CDC42BPB: variants seen among roughly 807,000 people sequenced by gnomAD.
CDC42BPB encodes the protein serine/threonine-protein kinase MRCK beta.
CDC42BPB carries 37 observed loss-of-function variants against 214.9 expected under a neutral mutation model. The ratio of observed to expected loss-of-function variants is 0.17; its 90% CI spans 0.13 to 0.23. The LOEUF (loss-of-function observed/expected upper bound fraction) is 0.23. Ranked by LOEUF, CDC42BPB falls within the 10% of genes least tolerant of loss-of-function variation. CDC42BPB has a pLI of 1.00. For missense variants in CDC42BPB, 1,694 were observed against 2,227.0 expected (o/e 0.76, Z 4.82); for synonymous variants, 931 against 884.0 (o/e 1.05, Z -0.94).
At chr14:103,055,660 G>A (rs1292351505) in intron 1 of CDC42BPB, among the ~76,000 whole-genome samples, 3 of 152,222 alleles carry the variant, frequency 2.0e-5, no homozygotes, top group South Asian at 2.1e-4. Flanking sequence ...TTCTACTGCT[G>A]CTCTCACAAG....
At position 102,944,612 on chromosome 14, in the gene CDC42BPB, G is replaced by A; in HGVS notation, c.3812-125C>T. ...CCTCCCCTGGGCTCCCTTCCTGTGT[G>A]CACAGCCTGAGCCCGGCCCTGAGCC... On this transcript the variant is annotated intron_variant, in intron 29 of 36. Coordinates refer to ENST00000361246, the MANE Select transcript of CDC42BPB (RefSeq NM_006035.4). This position sits in a 1 kb window ranked among gnomAD's most constrained non-coding sequence, Gnocchi z 6.6. 6.8e-7 allele frequency: 1 copy of A among 1,467,488 alleles called. No homozygotes were observed. The highest frequency in any genetic ancestry group is 9.0e-7 in the Non-Finnish European group (1 of 1,111,208). 90.9% of individuals were successfully genotyped at this position (1,467,488 alleles called of 1,614,324 possible). A position where few individuals can be genotyped will look rare whatever the true frequency, so the allele number is the denominator to read the frequency against.
At chr14:102,959,558 TA>T in intron 21 of CDC42BPB, 72 bp downstream of exon 21, 1 of 1,053,584 alleles carries the variant, frequency 9.5e-7, no homozygotes, top group Non-Finnish European at 1.4e-6. Context: ...CCATGAGTGG[TA>T]AAATCATATA....
At chr14:103,036,587 T>C (rs1370189621) in intron 1 of CDC42BPB, among the ~76,000 whole-genome samples, 1 of 152,150 alleles carries the variant, frequency 6.6e-6, no homozygotes, top group African/African-American at 2.4e-5. Context: ...ACTCCTCATT[T>C]GGAAATACAG....
At chr14:102,988,395 C>G (rs1297149663) in intron 5 of CDC42BPB, among the ~76,000 whole-genome samples, 2 of 151,070 alleles carry the variant, frequency 1.3e-5, no homozygotes, top group South Asian at 2.1e-4. Flanking sequence ...ATGAGAGGGC[C>G]CATAAGATTA....
rs55659700 is a variant in CDC42BPB at position 102,968,648 on chromosome 14, G to A, written c.2064C>T (p.Ser688=). 1.9e-3 allele frequency: 3,067 copies of A among 1,614,168 alleles called. 41 individuals are homozygous for A. The African/African-American group carries it at 0.029, about 15-fold the overall frequency. ...AAAATAAGACTTTCTTCTCCAGCTC[G>A]GATTTGATTTTGGAAATCTCTTGCT... ...EHQQEISKIK[S]ELEKKVLFYE... is the part of the protein sequence containing the mutation. Residue 688 remains serine, a synonymous_variant, in exon 15 of 37, where the codon TCC becomes TCT. Transcript: ENST00000361246.
chr14:102,950,321 A>G (rs1313660819), intron 25 of CDC42BPB, 145 bp downstream of exon 25: 14 of 1,142,066 alleles, frequency 1.2e-5, no homozygotes, highest in African/African-American at 1.5e-5. Flanking sequence ...TGATGGCCTC[A>G]GTGCCCAGGA....
chr14:103,056,992 C>T lies in CDC42BPB; in HGVS notation c.175+7G>A. ...CCGCAGGTCCGGCCCTGCCGGCGCG[C>T]ACTTACCCCACTCGAGGAACTCGGC... On this transcript the variant is annotated splice_region_variant and intron_variant, in intron 1 of 36. Transcript: ENST00000361246. The T allele has an allele frequency of 6.9e-7, 1 of 1,440,114 alleles. No homozygotes were observed. Among genetic ancestry groups the T allele is most frequent in the Non-Finnish European group, 9.1e-7 (1 of 1,095,370 alleles). The allele number at this position is 1,440,114 out of a possible 1,614,324, so 89.2% of individuals were successfully genotyped here.
chr14:102,988,064 G>T (rs1202349744), intron 5 of CDC42BPB, among the ~76,000 whole-genome samples: 1 of 151,976 alleles, frequency 6.6e-6, no homozygotes, highest in Non-Finnish European at 1.5e-5. Context: ...ACTCAGGGAA[G>T]AAATAGAAGA....
Position 102,943,159 on chromosome 14 carries a change from A to G in CDC42BPB, c.4408+732T>C, listed in dbSNP as rs879883674. Among the ~76,000 whole-genome samples, 3 of 152,152 alleles carry G rather than the reference A, an allele frequency of 2.0e-5. No individual in the cohort carries two copies. Among genetic ancestry groups the G allele is most frequent in the Admixed American group, 6.5e-5 (1 of 15,280 alleles). ...AGTGCTGGGATTACAGGTGTGAGCCATATTTTGTTATTTAGTAGAGATGAG... is the reference window on the plus strand; with the variant it reads ...AGTGCTGGGATTACAGGTGTGAGCCGTATTTTGTTATTTAGTAGAGATGAG... On this transcript the variant is annotated intron_variant, in intron 30 of 36. Coordinates refer to ENST00000361246, the MANE Select transcript of CDC42BPB (RefSeq NM_006035.4). The surrounding 1 kb of genome is among the most constrained non-coding windows in gnomAD (Gnocchi z 4.6).
intron 16 of CDC42BPB, 103 bp downstream of exon 16, chr14:102,968,150 T>G (rs879886020): frequency 2.7e-6 from 2 of 741,868 alleles, no homozygotes; most frequent in Non-Finnish European, 4.4e-6. Context: ...TACTCCCCCA[T>G]AAATATATAT....
intron 5 of CDC42BPB, among the ~76,000 whole-genome samples, chr14:102,987,836 G>A (rs530968639): frequency 6.9e-6 from 1 of 145,062 alleles, no homozygotes; most frequent in East Asian, 2.0e-4. Flanking sequence ...GCCAGGTGCA[G>A]TGGCTCACAA....
intron 5 of CDC42BPB, among the ~76,000 whole-genome samples, chr14:102,994,356 T>TGTG (rs1447098000): frequency 6.7e-6 from 1 of 149,692 alleles, no homozygotes; most frequent in Non-Finnish European, 1.5e-5. Context: ...ATTTAAAACA[T>TGTG]GTGGTGGTGG....
chr14:102,940,528 A>C, intron 30 of CDC42BPB: 1 of 1,345,596 alleles, frequency 7.4e-7, no homozygotes. Context: ...CCAATGTTTA[A>C]ATGCTCCACA....
chr14:102,995,696 C>T (rs1595121719), intron 5 of CDC42BPB, among the ~76,000 whole-genome samples: 1 of 152,258 alleles, frequency 6.6e-6, no homozygotes, highest in South Asian at 2.1e-4. Context: ...GGGATCCCCA[C>T]AGCACCCGAC....
intron 1 of CDC42BPB, among the ~76,000 whole-genome samples, chr14:103,027,670 T>C (rs1887127143): frequency 6.6e-6 from 1 of 152,054 alleles, no homozygotes; most frequent in Admixed American, 6.6e-5. Context: ...AATAGGCAAA[T>C]CCATAGAGAC....
chr14:102,976,724 A>G (rs1893763087), intron 9 of CDC42BPB, among the ~76,000 whole-genome samples: 1 of 152,214 alleles, frequency 6.6e-6, no homozygotes, highest in Admixed American at 6.5e-5. Flanking sequence ...AGCCCCCTTT[A>G]GAGAAGACCT....
intron 1 of CDC42BPB, among the ~76,000 whole-genome samples, chr14:103,018,029 A>G (rs1477943035): frequency 6.6e-6 from 1 of 152,160 alleles, no homozygotes; most frequent in East Asian, 1.9e-4. Context: ...GGAGGAGGTG[A>G]GGTGATGGTT....
chr14:102,940,588 T>C lies in CDC42BPB; in HGVS notation c.4409-264A>G, dbSNP rs1370794873. The stretch of plus-strand genomic sequence containing the variant: ...AATACTACAGTACAGATGTTGAAGG[T>C]GACTTTTAAAAAGTCTGGTTTTTCA... On this transcript the variant is annotated intron_variant, in intron 30 of 36. Coordinates refer to ENST00000361246, the MANE Select transcript of CDC42BPB (RefSeq NM_006035.4). The C allele has an allele frequency of 1.7e-5, 16 of 914,948 alleles. No homozygotes were observed. The East Asian group carries it at 4.3e-4, about 25-fold the overall frequency. The allele number at this position is 914,948 out of a possible 1,614,324, so 56.7% of individuals were successfully genotyped here. A position where few individuals can be genotyped will look rare whatever the true frequency, so the allele number is the denominator to read the frequency against.
chr14:102,947,781 G>A lies in CDC42BPB; in HGVS notation c.3471C>T (p.Ser1157=). 6.2e-7 allele frequency: 1 copy of A among 1,612,592 alleles called. No homozygotes were observed. Among genetic ancestry groups the A allele is most frequent in the Non-Finnish European group, 8.5e-7 (1 of 1,179,858 alleles). Reference sequence around the variant, plus strand: ...GAATGACATCTGAGGCCAGGACTGAGCTCACGGAAAACTCGTCATCTCTGG... The same window carrying A: ...GAATGACATCTGAGGCCAGGACTGAACTCACGGAAAACTCGTCATCTCTGG... The part of the protein sequence containing the change: ...LDLRDDEFSV[S]SVLASDVIHA... Residue 1157 remains serine (S), a synonymous_variant, in exon 27 of 37, where the codon AGC becomes AGT. Transcript: ENST00000361246.
Sources: gnomAD v4.1 joint callset for allele counts (sites outside exome capture counted in the v4.1 genomes callset) on GRCh38, gnomAD v4.1.1 for gene constraint, Gnocchi (gnomAD v3.1) non-coding constraint, MANE v1.5 for transcripts, NCBI Gene and HGNC (gene_info 2026-07-23, HGNC 2026-07-21) for gene names.